HNF4A: variants seen among roughly 807,000 people sequenced by gnomAD.
The protein encoded by HNF4A is hepatocyte nuclear factor 4 alpha.
In HNF4A, 15 loss-of-function variants were observed where a neutral mutation model predicts 52.4. The ratio of observed to expected loss-of-function variants is 0.29; its 90% CI spans 0.19 to 0.44. The LOEUF (loss-of-function observed/expected upper bound fraction) is 0.44. Among genes scored for constraint, HNF4A ranks in the 20% least tolerant of loss-of-function variants. The pLI, the probability that HNF4A is intolerant of heterozygous loss-of-function variation, is 1.00. For missense variants in HNF4A, 479 were observed against 647.2 expected (o/e 0.74, Z 2.82); for synonymous variants, 280 against 264.4 (o/e 1.06, Z -0.57).
At chr20:44,428,248 A>G (rs2063834907) in intron 8 of HNF4A, 87 bp from the exon 9 acceptor site, 1 of 1,420,444 alleles carries the variant, frequency 7.0e-7, no homozygotes, top group African/African-American at 1.4e-5. Flanking sequence ...GGGCTGGTTG[A>G]TTGGCCACGC....
intron 1 of HNF4A, among the ~76,000 whole-genome samples, chr20:44,360,948 G>T (rs1284441606): frequency 1.3e-5 from 2 of 152,192 alleles, no homozygotes; most frequent in African/African-American, 4.8e-5. Context: ...GGTAATAGAA[G>T]CTATAACAAA....
At chr20:44,402,575 G>C in intron 1 of HNF4A, 1 of 1,365,506 alleles carries the variant, frequency 7.3e-7, no homozygotes, top group Non-Finnish European at 9.8e-7. Context: ...GCTGCGTCTC[G>C]CCAGATTGAG....
chr20:44,358,248 G>GA (rs57044554), intron 1 of HNF4A, among the ~76,000 whole-genome samples: 715 of 113,214 alleles, frequency 6.3e-3, no homozygotes, highest in Middle Eastern at 0.032. Flanking sequence ...GAAGGCTCCA[G>GA]AAAAAAAAAA....
intron 1 of HNF4A, among the ~76,000 whole-genome samples, chr20:44,405,683 G>A (rs1158849465): frequency 6.6e-6 from 1 of 152,240 alleles, no homozygotes; most frequent in Admixed American, 6.5e-5. Flanking sequence ...CTGAGGGACA[G>A]GACCTGGTTC....
intron 3 of HNF4A, among the ~76,000 whole-genome samples, chr20:44,413,175 G>C (rs2146409094): frequency 6.6e-6 from 1 of 152,324 alleles, no homozygotes; most frequent in South Asian, 2.1e-4. Context: ...ACAGCGCCTG[G>C]CCTTGCTGAT....
At position 44,429,770 on chromosome 20, in the gene HNF4A, T is replaced by C; in HGVS notation, c.*105T>C. On this transcript the variant is annotated 3_prime_UTR_variant, in exon 10 of 10. Coordinates refer to ENST00000316099, the MANE Select transcript of HNF4A (RefSeq NM_000457.6). Reference sequence around the variant, plus strand: ...AAGGAAGACGTGATGCCAGGACCAGTCCCAGAGCAGGAATGGGAAGGATGA... The same window carrying C: ...AAGGAAGACGTGATGCCAGGACCAGCCCCAGAGCAGGAATGGGAAGGATGA... 1 of 1,209,530 alleles carries C rather than the reference T, an allele frequency of 8.3e-7. No homozygotes were observed. The highest frequency in any genetic ancestry group is 1.2e-6 in the Non-Finnish European group (1 of 830,272). The allele number at this position is 1,209,530 out of a possible 1,614,324, so 74.9% of individuals were successfully genotyped here.
chr20:44,355,988 C>CCTTCCTG, intron 1 of HNF4A, 135 bp downstream of exon 1: 11 of 752,148 alleles, frequency 1.5e-5, no homozygotes, highest in Non-Finnish European at 2.2e-5. Context: ...GGAAGCCCCA[C>CCTTCCTG]GGAGGCAATG....
intron 1 of HNF4A, among the ~76,000 whole-genome samples, chr20:44,388,228 AG>A (rs1168245277): frequency 6.6e-6 from 1 of 151,930 alleles, no homozygotes; most frequent in Non-Finnish European, 1.5e-5. Context: ...CTGGAGTTAC[AG>A]GCATGCACCA....
rs759922116 is a variant in HNF4A, at chr20:44,407,373, C to T, written c.291-8C>T. The T allele has an allele frequency of 1.1e-5, 18 of 1,605,386 alleles. No individual in the cohort carries two copies. The highest frequency in any genetic ancestry group is 2.7e-5 in the African/African-American group (2 of 74,656). On this transcript the variant is annotated splice_region_variant and splice_polypyrimidine_tract_variant and intron_variant, in intron 2 of 9. Transcript: ENST00000316099. ...CTTCTCCATCCAACCATCCAAAGCC[C>T]TCCCCAGATTTAGCCGGCAGTGCGT...
chr20:44,401,787 A>G (rs898416431), intron 1 of HNF4A, among the ~76,000 whole-genome samples: 1 of 152,152 alleles, frequency 6.6e-6, no homozygotes, highest in Non-Finnish European at 1.5e-5. Flanking sequence ...GGCGCTTGGC[A>G]CAGTGACGTG....
At chr20:44,381,052 T>C (rs1416179378) in intron 1 of HNF4A, among the ~76,000 whole-genome samples, 1 of 152,206 alleles carries the variant, frequency 6.6e-6, no homozygotes, top group Non-Finnish European at 1.5e-5. Context: ...CTCTTTGACC[T>C]CTAACCCACT....
At chr20:44,406,343 C>CAG in intron 2 of HNF4A, 111 bp downstream of exon 2, 1 of 882,410 alleles carries the variant, frequency 1.1e-6, no homozygotes, top group Non-Finnish European at 1.8e-6. Context: ...CCCTTCAGGG[C>CAG]CTTCAAGGCT....
At chr20:44,374,065 G>A (rs952259234) in intron 1 of HNF4A, among the ~76,000 whole-genome samples, 1 of 152,140 alleles carries the variant, frequency 6.6e-6, no homozygotes, top group Admixed American at 6.6e-5. Flanking sequence ...TGACACTGAA[G>A]TTTAGGCTAT....
chr20:44,423,916 G>A (rs58146102), intron 7 of HNF4A, 102 bp from the exon 8 acceptor site: 1 of 1,074,170 alleles, frequency 9.3e-7, no homozygotes, highest in Middle Eastern at 2.7e-4. Context: ...CACTGCTGAA[G>A]ACTCCTTGTG....
intron 1 of HNF4A, chr20:44,402,693 C>T (rs767097370): frequency 4.3e-6 from 5 of 1,162,114 alleles, no homozygotes; most frequent in Non-Finnish European, 5.8e-6. Context: ...GGAAGAGCCC[C>T]ATCGGTCCCA....
At chr20:44,398,434 A>T (rs1600691956), upstream of HNF4A, among the ~76,000 whole-genome samples, 1 of 152,370 alleles carries the variant, frequency 6.6e-6, no homozygotes, top group South Asian at 2.1e-4. Context: ...GAACAACAAG[A>T]ACAAAAGAAA....
intron 1 of HNF4A, among the ~76,000 whole-genome samples, chr20:44,395,862 G>A (rs755547939): frequency 6.6e-6 from 1 of 152,194 alleles, no homozygotes; most frequent in Non-Finnish European, 1.5e-5. Context: ...GGAGTGGTGG[G>A]TGGGGAAGAA....
At chr20:44,416,141 A>AC (rs2063661395) in intron 5 of HNF4A, among the ~76,000 whole-genome samples, 1 of 151,956 alleles carries the variant, frequency 6.6e-6, no homozygotes. Context: ...CTCCCGGCCC[A>AC]CCCCCCAGAA....
intron 9 of HNF4A, among the ~76,000 whole-genome samples, chr20:44,429,082 A>T (rs1261722818): frequency 6.6e-6 from 1 of 152,182 alleles, no homozygotes; most frequent in Non-Finnish European, 1.5e-5. Flanking sequence ...GAGGCCAATT[A>T]GTTTCTATTA....
Sources: allele counts gnomAD v4.1 joint callset (sites outside exome capture counted in the v4.1 genomes callset), GRCh38; gene constraint gnomAD v4.1.1; transcripts MANE v1.5; gene names NCBI Gene and HGNC (gene_info 2026-07-23, HGNC 2026-07-21).